BBX: variants seen among roughly 807,000 people sequenced by gnomAD.
BBX encodes BBX high mobility group box domain containing, also known as HMG box transcription factor BBX.
In BBX, 30 loss-of-function variants were observed where a neutral mutation model predicts 100.2. The observed-to-expected ratio is 0.30, with a 90% CI of 0.22 to 0.41. The LOEUF (loss-of-function observed/expected upper bound fraction) is 0.41, where lower values mean the gene tolerates loss of function less well. Among genes scored for constraint, BBX ranks in the 10% least tolerant of loss-of-function variants. BBX has a pLI of 1.00. For missense variants in BBX, 1,023 were observed against 1,129.8 expected, an observed-to-expected ratio of 0.91 and a Z score of 1.35; for synonymous variants, 376 against 388.1, an observed-to-expected ratio of 0.97 and a Z score of 0.37.
At chr3:107,650,785 T>C (rs1425375598) in intron 3 of BBX, among the ~76,000 whole-genome samples, 1 of 152,180 alleles carries the variant, frequency 6.6e-6, no homozygotes, top group Non-Finnish European at 1.5e-5. Flanking sequence ...AGTTTGCTTG[T>C]GTTGCTGTAA....
At chr3:107,593,454 T>A (rs1028603625) in intron 2 of BBX, among the ~76,000 whole-genome samples, 3 of 152,328 alleles carry the variant, frequency 2.0e-5, no homozygotes, top group Admixed American at 2.0e-4. Context: ...CTAGAGTAAG[T>A]TCAGTGTCAA....
intron 10 of BBX, among the ~76,000 whole-genome samples, chr3:107,764,113 C>T (rs1576689873): frequency 6.6e-6 from 1 of 152,176 alleles, no homozygotes; most frequent in East Asian, 1.9e-4. Context: ...CTGCCTCAGC[C>T]TCCTGAGTAG....
chr3:107,733,057 A>G, intron 7 of BBX, 34 bp downstream of exon 7: 1 of 1,590,686 alleles, frequency 6.3e-7, no homozygotes, highest in Non-Finnish European at 8.6e-7. Context: ...CACTCTGCTC[A>G]TACTGTGGGT....
chr3:107,668,489 G>T lies in BBX; in HGVS notation c.-10+22580G>T, dbSNP rs2058860111. On this transcript the variant is annotated intron_variant, in intron 3 of 17. Coordinates refer to ENST00000325805, the MANE Select transcript of BBX (RefSeq NM_001142568.3). ...TGGCAGTATTATTTCTATGAGCCCG[G>T]AGCTGCTCAATAAACATTGGGCTTG... Among the ~76,000 whole-genome samples the T allele has an allele frequency of 3.9e-5, 6 of 152,120 alleles. No homozygotes were observed. The South Asian group carries it at 1.2e-3, about 31-fold the overall frequency.
chr3:107,578,189 C>T (rs2051949865), intron 2 of BBX, among the ~76,000 whole-genome samples: 1 of 152,190 alleles, frequency 6.6e-6, no homozygotes, highest in Non-Finnish European at 1.5e-5. Flanking sequence ...AAAGAATCAG[C>T]TCTTCTTTAA....
chr3:107,805,460 C>T lies in BBX; in HGVS notation c.*3C>T, dbSNP rs2070996420. 3.1e-6 allele frequency: 5 copies of T among 1,614,136 alleles called. No homozygotes were observed. Among genetic ancestry groups the T allele is most frequent in the East Asian group, 2.2e-5 (1 of 44,882 alleles). Reference sequence around the variant, plus strand: ...TTATTTCCTGCGCTGACCAGTGAAGCGCCCTTTCATTGTAAAACATTGTGC... The same window carrying T: ...TTATTTCCTGCGCTGACCAGTGAAGTGCCCTTTCATTGTAAAACATTGTGC... On this transcript the variant is annotated 3_prime_UTR_variant, in exon 18 of 18. Transcript: ENST00000325805.
intron 2 of BBX, among the ~76,000 whole-genome samples, chr3:107,619,234 C>T (rs1196106340): frequency 2.0e-5 from 3 of 151,878 alleles, no homozygotes; most frequent in Middle Eastern, 3.2e-3. Context: ...CATGATATAC[C>T]GTTTTTCTTC....
intron 3 of BBX, among the ~76,000 whole-genome samples, chr3:107,698,324 T>G (rs1022577698): frequency 1.3e-4 from 20 of 150,238 alleles, no homozygotes; most frequent in Middle Eastern, 3.4e-3. Context: ...TATATATATG[T>G]TTTTTTTAAA....
At chr3:107,556,068 C>G (rs1055260081) in intron 2 of BBX, among the ~76,000 whole-genome samples, 4 of 152,188 alleles carry the variant, frequency 2.6e-5, no homozygotes, top group African/African-American at 7.2e-5. Flanking sequence ...TTCTTCCACA[C>G]CAAGTCCTTC....
intron 3 of BBX, among the ~76,000 whole-genome samples, chr3:107,672,359 A>G (rs1423713275): frequency 6.6e-6 from 1 of 152,058 alleles, no homozygotes; most frequent in African/African-American, 2.4e-5. Flanking sequence ...CCTGTGATAC[A>G]AAGTGATATT....
chr3:107,691,903 A>G (rs2060194435), intron 3 of BBX, among the ~76,000 whole-genome samples: 1 of 152,144 alleles, frequency 6.6e-6, no homozygotes, highest in East Asian at 1.9e-4. Context: ...AAAATAAGAA[A>G]TACGTATTCT....
chr3:107,668,805 A>G lies in BBX; in HGVS notation c.-10+22896A>G, dbSNP rs182081547. 1.4e-4 allele frequency among the ~76,000 whole-genome samples: 22 copies of G among 152,328 alleles called. 1 individual carries two copies. In the East Asian group the frequency reaches 4.0e-3, roughly 28 times the overall value. On this transcript the variant is annotated intron_variant, in intron 3 of 17. Coordinates refer to ENST00000325805, the MANE Select transcript of BBX (RefSeq NM_001142568.3). ...GGAGACTTTTGTTGATTTGTTTGAA[A>G]TTATTTGCATTTAAATGGCTTCCAA...
chr3:107,647,527 T>C (rs1414200980), intron 3 of BBX, among the ~76,000 whole-genome samples: 1 of 152,228 alleles, frequency 6.6e-6, no homozygotes, highest in African/African-American at 2.4e-5. Flanking sequence ...TAATTGCAGA[T>C]GGCTAAGACT....
At chr3:107,568,087 C>A (rs2051055710) in intron 2 of BBX, among the ~76,000 whole-genome samples, 1 of 149,500 alleles carries the variant, frequency 6.7e-6, no homozygotes, top group South Asian at 2.1e-4. Flanking sequence ...TGTGTATAAT[C>A]TTTTGTTCTT....
chr3:107,656,007 A>G, intron 3 of BBX, among the ~76,000 whole-genome samples: 1 of 152,232 alleles, frequency 6.6e-6, no homozygotes, highest in East Asian at 1.9e-4. Flanking sequence ...GCTAAGTGCT[A>G]TTTTTTAAAA....
rs2054079003 is a variant in BBX at position 107,601,728 on chromosome 3, G to T, written c.-83-44108G>T. Among the ~76,000 whole-genome samples the T allele has an allele frequency of 1.3e-5, 2 of 152,262 alleles. 1 individual carries two copies. The highest frequency in any genetic ancestry group is 1.3e-4 in the Admixed American group (2 of 15,284). Reference sequence around the variant, plus strand: ...AAAAGTGCAAGAGGAAGCAGCAAGTGCTGATGGAGAAGCTACAGCAAGTTA... The same window carrying T: ...AAAAGTGCAAGAGGAAGCAGCAAGTTCTGATGGAGAAGCTACAGCAAGTTA... On this transcript the variant is annotated intron_variant, in intron 2 of 17. Coordinates refer to ENST00000325805, the MANE Select transcript of BBX (RefSeq NM_001142568.3).
At chr3:107,662,200 A>G (rs2058485596) in intron 3 of BBX, among the ~76,000 whole-genome samples, 1 of 152,206 alleles carries the variant, frequency 6.6e-6, no homozygotes. Context: ...GAGAAAGCCA[A>G]GTGGTATTAA....
At chr3:107,702,981 C>A (rs2061173388) in intron 3 of BBX, among the ~76,000 whole-genome samples, 1 of 152,136 alleles carries the variant, frequency 6.6e-6, no homozygotes, top group African/African-American at 2.4e-5. Context: ...GGACACTTAA[C>A]CCTTCCAGAG....
At position 107,805,589 on chromosome 3, in the gene BBX, A is replaced by G; in HGVS notation, c.*132A>G. On this transcript the variant is annotated 3_prime_UTR_variant, in exon 18 of 18. Coordinates refer to ENST00000325805, the MANE Select transcript of BBX (RefSeq NM_001142568.3). Reference sequence around the variant, plus strand: ...GTGCTTGTTGCCCCACACGGCCCAGATTCACTTGAAGCAGAAGTTAGCATC... The same window carrying G: ...GTGCTTGTTGCCCCACACGGCCCAGGTTCACTTGAAGCAGAAGTTAGCATC... The G allele has an allele frequency of 6.6e-7, 1 of 1,517,326 alleles. No individual in the cohort carries two copies. Among genetic ancestry groups the G allele is most frequent in the Non-Finnish European group, 8.9e-7 (1 of 1,121,120 alleles). 94.0% of individuals were successfully genotyped at this position (1,517,326 alleles called of 1,614,324 possible).
Sources: gnomAD v4.1 joint callset for allele counts (sites outside exome capture counted in the v4.1 genomes callset) on GRCh38, gnomAD v4.1.1 for gene constraint, MANE v1.5 for transcripts, NCBI Gene and HGNC (gene_info 2026-07-23, HGNC 2026-07-21) for gene names.